The following ATG2A variants were observed in gnomAD, a reference collection of about 807,000 sequenced individuals.
ATG2A encodes the protein autophagy-related protein 2 homolog A.
Under a neutral mutation model 214.2 loss-of-function variants are expected in ATG2A, and 103 were observed. The ratio of observed to expected loss-of-function variants is 0.48; its 90% confidence interval spans 0.41 to 0.57. The LOEUF (loss-of-function observed/expected upper bound fraction) is 0.57. Among genes scored for constraint, ATG2A ranks in the 20% least tolerant of loss-of-function variants. ATG2A has a pLI of 0.00. For synonymous variants in ATG2A, 1,160 were observed against 1,142.1 expected, an observed-to-expected ratio of 1.02 and a Z score of -0.32; for missense variants, 2,312 against 2,613.2, an observed-to-expected ratio of 0.88 and a Z score of 2.51.
rs1944843617 is a variant in ATG2A, at chr11:64,913,203, G to A, written c.726+63C>T. ...GGAGTCAGAGATGGTCAGAAAGGATGGGAGGGGCTCAATGGGCTCAAGGGA... is the reference window on the plus strand; with the variant it reads ...GGAGTCAGAGATGGTCAGAAAGGATAGGAGGGGCTCAATGGGCTCAAGGGA... On this transcript the variant is annotated intron_variant, in intron 5 of 40. Coordinates refer to ENST00000377264, the MANE Select transcript of ATG2A (RefSeq NM_015104.3). This position sits in a 1 kb window ranked among gnomAD's most constrained non-coding sequence, Gnocchi z 4.3. 1.1e-5 allele frequency: 17 copies of A among 1,610,768 alleles called. No individual in the cohort carries two copies. Among genetic ancestry groups the A allele is most frequent in the Non-Finnish European group, 1.2e-5 (14 of 1,178,970 alleles).
chr11:64,912,985 G>T, intron 6 of ATG2A, 53 bp downstream of exon 6: 1 of 1,278,638 alleles, frequency 7.8e-7, no homozygotes, highest in South Asian at 1.4e-5. Flanking sequence ...TGCTGAGGAG[G>T]AGGAGTCTTG....
rs1406440860 is a variant in ATG2A at position 64,902,305 on chromosome 11, G to T, written c.3859C>A (p.Leu1287Ile). The T allele has an allele frequency of 1.2e-6, 2 of 1,612,312 alleles. No homozygotes were observed. Among genetic ancestry groups the T allele is most frequent in the Admixed American group, 1.7e-5 (1 of 59,972 alleles). Residue 1287 changes from leucine (L) to isoleucine (I), a missense_variant, in exon 28 of 41, where the codon CTC (leucine) becomes ATC (isoleucine). By Grantham distance (5) the Leu-to-Ile change is conservative. Coordinates refer to ENST00000377264, the MANE Select transcript of ATG2A (RefSeq NM_015104.3). ...LINQRDLADA[L>I]LDTERSLREL... ...CGTAGGCTGCGCTCGGTGTCCAGGAGGGCGTCGGCCAGGTCACGCTGGTTG... is the reference window on the plus strand; with the variant it reads ...CGTAGGCTGCGCTCGGTGTCCAGGATGGCGTCGGCCAGGTCACGCTGGTTG...
At chr11:64,916,045 GTCCCTGCCTCCAT>G (rs1944969726) in intron 1 of ATG2A, among the ~76,000 whole-genome samples, 1 of 152,208 alleles carries the variant, frequency 6.6e-6, no homozygotes, top group Non-Finnish European at 1.5e-5. Context: ...AAACTGAGAA[GTCCCTGCCTCCAT>G]GCCCACCCCT....
intron 22 of ATG2A, 131 bp from the exon 23 acceptor site, chr11:64,905,979 A>T (rs932383450): frequency 7.3e-6 from 10 of 1,370,352 alleles, no homozygotes; most frequent in Non-Finnish European, 1.0e-5. Flanking sequence ...CCCCTTGCCC[A>T]GGAGCTCCGG....
chr11:64,900,669 C>T, intron 30 of ATG2A, 40 bp from the exon 31 acceptor site: 1 of 1,548,176 alleles, frequency 6.5e-7, no homozygotes, highest in Non-Finnish European at 8.7e-7. Flanking sequence ...TCAGAGGAAC[C>T]CCATTCCCTC....
In ATG2A at chr11:64,900,569, C is replaced by A; in HGVS notation, c.4389G>T (p.Arg1463=). Residue 1463 remains arginine (R), a synonymous_variant, in exon 31 of 41, where the codon CGG becomes CGT. Transcript: ENST00000377264. ...SSPSRCSGPN[R]PQNSWRTQGG... ...CCTGCGTGCGCCATGAGTTCTGGGG[C>A]CGGTTGGGGCCAGAGCAGCGGGAAG... The A allele has an allele frequency of 1.9e-6, 3 of 1,613,256 alleles. No homozygotes were observed. Among genetic ancestry groups the A allele is most frequent in the Non-Finnish European group, 2.5e-6 (3 of 1,179,962 alleles).
In ATG2A at chr11:64,897,979, G is replaced by T; in HGVS notation, c.4859-5C>A. ...GGGCTCGAGTCTCGGGGCGAGCTAG[G>T]GGAGGGGAGGTCACAGACTGGGGAT... On this transcript the variant is annotated splice_region_variant and splice_polypyrimidine_tract_variant and intron_variant, in intron 34 of 40. Coordinates refer to ENST00000377264, the MANE Select transcript of ATG2A (RefSeq NM_015104.3). 1 of 1,562,698 alleles carries T rather than the reference G, an allele frequency of 6.4e-7. No individual in the cohort carries two copies.
Position 64,913,256 on chromosome 11 carries a change from G to T in ATG2A, c.726+10C>A. On this transcript the variant is annotated intron_variant, in intron 5 of 40. Transcript: ENST00000377264. This position sits in a 1 kb window ranked among gnomAD's most constrained non-coding sequence, Gnocchi z 4.3. ...GGAGACAGGGGCTGTGGGAATCAGA[G>T]CCCGCTCACCTGTGCCGGGAGCTCC... The T allele has an allele frequency of 6.2e-7, 1 of 1,611,972 alleles. No individual in the cohort carries two copies.
chr11:64,909,936 T>A lies in ATG2A; in HGVS notation c.1864-12A>T, dbSNP rs560493986. 5.0e-6 allele frequency: 8 copies of A among 1,594,694 alleles called. No individual in the cohort carries two copies. Among genetic ancestry groups the A allele is most frequent in the Admixed American group, 1.7e-5 (1 of 59,618 alleles). ...GGCAGGGGCTCTGTCTGCAGGAGGA[T>A]TGGGGGTCAGAGCAGCCGTCGGAGC... On this transcript the variant is annotated splice_polypyrimidine_tract_variant and intron_variant, in intron 13 of 40. Coordinates refer to ENST00000377264, the MANE Select transcript of ATG2A (RefSeq NM_015104.3).
chr11:64,897,314 G>A, intron 37 of ATG2A, 98 bp downstream of exon 37: 1 of 1,395,444 alleles, frequency 7.2e-7, no homozygotes, highest in African/African-American at 1.4e-5. Context: ...GAGGCCCTGA[G>A]AAGGGTGATG....
At position 64,902,053 on chromosome 11, in the gene ATG2A, T is replaced by C. The variant is rs1225313816; in HGVS notation, c.4028A>G (p.Glu1343Gly). 1.2e-6 allele frequency: 2 copies of C among 1,613,960 alleles called. No individual in the cohort carries two copies. Among genetic ancestry groups the C allele is most frequent in the East Asian group, 4.5e-5 (2 of 44,876 alleles). ...CTCCTCTTCCCTTTCATCTTCCTTCTCCTCTGAGCATGACCCTAAGCTGCC... is the reference window on the plus strand; with the variant it reads ...CTCCTCTTCCCTTTCATCTTCCTTCCCCTCTGAGCATGACCCTAAGCTGCC... ...PAGSLGSCSE[E>G]KEDEREEEGD... Residue 1343 changes from glutamate (E) to glycine (G), a missense_variant, in exon 29 of 41, where the codon GAG (glutamate) becomes GGG (glycine). By Grantham distance (98) the Glu-to-Gly change is moderately conservative (BLOSUM62 -2). Coordinates refer to ENST00000377264, the MANE Select transcript of ATG2A (RefSeq NM_015104.3).
chr11:64,908,501 G>A (rs888886391), intron 16 of ATG2A, among the ~76,000 whole-genome samples: 3 of 151,896 alleles, frequency 2.0e-5, no homozygotes, highest in African/African-American at 4.8e-5. Context: ...GCGGTGAGCC[G>A]AGATCATGCC....
rs762564673 is a variant in ATG2A, at chr11:64,912,209, C to A, written c.963G>T (p.Pro321=). Residue 321 remains proline, a synonymous_variant, in exon 8 of 41, where the codon CCG becomes CCT. Coordinates refer to ENST00000377264, the MANE Select transcript of ATG2A (RefSeq NM_015104.3). The stretch of plus-strand genomic sequence containing the variant: ...TCAGCCACAGGTCTTCGGCACCTAG[C>A]GGGCGGCTCTTGTTCAGCTTGTCAG... ...GLADKLNKSR[P]LGAEDLWLIE... 1.9e-6 allele frequency: 3 copies of A among 1,613,756 alleles called. No individual in the cohort carries two copies. The highest frequency in any genetic ancestry group is 3.3e-5 in the Admixed American group (2 of 60,024).
In ATG2A at chr11:64,895,481, G is replaced by A; in HGVS notation, c.5428-39C>T. The A allele has an allele frequency of 6.7e-7, 1 of 1,498,344 alleles. No individual in the cohort carries two copies. The highest frequency in any genetic ancestry group is 8.9e-7 in the Non-Finnish European group (1 of 1,119,600). 92.8% of individuals were successfully genotyped at this position (1,498,344 alleles called of 1,614,324 possible). A position where few individuals can be genotyped will look rare whatever the true frequency, so the allele number is the denominator to read the frequency against. Reference sequence around the variant, plus strand: ...GAGCACTGGATGAGGACAGCTGGCTGGGGCACACGTCAGCCCCAGGCCCCC... The same window carrying A: ...GAGCACTGGATGAGGACAGCTGGCTAGGGCACACGTCAGCCCCAGGCCCCC... On this transcript the variant is annotated intron_variant, in intron 39 of 40. Transcript: ENST00000377264. The surrounding 1 kb of genome is among the most constrained non-coding windows in gnomAD (Gnocchi z 5.0).
intron 18 of ATG2A, 36 bp downstream of exon 18, chr11:64,907,489 G>T (rs1391043697): frequency 9.3e-6 from 15 of 1,611,648 alleles, no homozygotes; most frequent in Non-Finnish European, 1.2e-5. Flanking sequence ...AGACCTGGGG[G>T]TCCTCCCTCT....
chr11:64,905,825 C>T lies in ATG2A; in HGVS notation c.3288G>A (p.Leu1096=), dbSNP rs2136589450. 2 of 1,613,590 alleles carry T rather than the reference C, an allele frequency of 1.2e-6. No homozygotes were observed. The highest frequency in any genetic ancestry group is 1.7e-6 in the Non-Finnish European group (2 of 1,180,000). ...HSQLLEFLDV[L]DDPVLGYLPP... ...GCAGGTAGCCCAGCACAGGGTCATC[C>T]AGCACGTCTAGGAACTCCAACAACT... is the stretch of plus-strand genomic sequence containing the variant. The change falls in exon 23 of 41, where the codon CTG becomes CTA. Residue 1096 remains leucine, a synonymous_variant. Coordinates refer to ENST00000377264, the MANE Select transcript of ATG2A (RefSeq NM_015104.3).
At position 64,910,663 on chromosome 11, in the gene ATG2A, G is replaced by A; in HGVS notation, c.1660C>T (p.Pro554Ser). The A allele has an allele frequency of 6.2e-7, 1 of 1,609,826 alleles. No homozygotes were observed. The highest frequency in any genetic ancestry group is 8.5e-7 in the Non-Finnish European group (1 of 1,178,398). Residue 554 changes from proline (P) to serine (S), a missense_variant, in exon 12 of 41, where the codon CCC (proline) becomes TCC (serine). Transcript: ENST00000377264. Reference sequence around the variant, plus strand: ...TGTGTGTGGCGCAGATGGGCGCAGGGCCGAGCTGAGGCCTGGGAGCCCAGC... The same window carrying A: ...TGTGTGTGGCGCAGATGGGCGCAGGACCGAGCTGAGGCCTGGGAGCCCAGC... Reference protein sequence around the residue: ...GTLGSQASARPCAHLRHTQIL... With the variant: ...GTLGSQASARSCAHLRHTQIL...
chr11:64,915,847 A>C (rs914829631), intron 1 of ATG2A, among the ~76,000 whole-genome samples: 14 of 152,262 alleles, frequency 9.2e-5, no homozygotes, highest in African/African-American at 3.4e-4. Flanking sequence ...ACGGCCTTAG[A>C]GGCTGAGGCT....
rs376202835 is a variant in ATG2A, at chr11:64,914,381, G to A, written c.291C>T (p.Arg97=). ...AALLTDHCTV[R]VSGLQLTLQP... Reference sequence around the variant, plus strand: ...GCAAGGTGAGCTGGAGGCCGGACACGCGCACTGTGCAGTGGTCGGTGAGCA... The same window carrying A: ...GCAAGGTGAGCTGGAGGCCGGACACACGCACTGTGCAGTGGTCGGTGAGCA... Residue 97 remains arginine (R), a synonymous_variant, in exon 2 of 41, where the codon CGC becomes CGT. Transcript: ENST00000377264. 31 of 1,610,824 alleles carry A rather than the reference G, an allele frequency of 1.9e-5. No individual in the cohort carries two copies. The highest frequency in any genetic ancestry group is 8.0e-5 in the African/African-American group (6 of 74,920).
Sources: gnomAD v4.1 joint callset for allele counts (sites outside exome capture counted in the v4.1 genomes callset) on GRCh38, gnomAD v4.1.1 for gene constraint, Gnocchi (gnomAD v3.1) non-coding constraint, MANE v1.5 for transcripts, NCBI Gene and HGNC (gene_info 2026-07-23, HGNC 2026-07-21) for gene names.